The following ENPP2 variants were observed in gnomAD, a reference collection of about 807,000 sequenced individuals.
The protein encoded by ENPP2 is autotaxin.
ENPP2 carries 51 observed loss-of-function variants against 120.2 expected under a neutral mutation model. The ratio of observed to expected loss-of-function variants is 0.42; its 90% CI spans 0.34 to 0.54. ENPP2 has a LOEUF of 0.54. ENPP2 is among the 20% of genes least tolerant of loss of function. ENPP2 has a pLI of 0.04. For missense variants in ENPP2, 920 were observed against 1,066.5 expected (o/e 0.86, Z 1.91); for synonymous variants, 365 against 366.4 (o/e 1.00, Z 0.04).
intron 1 of ENPP2, among the ~76,000 whole-genome samples, chr8:119,671,213 A>G (rs958314652): frequency 6.6e-6 from 1 of 151,992 alleles, no homozygotes; most frequent in Admixed American, 6.5e-5. Context: ...AGGCAGGAGA[A>G]TTGCTTGAAC....
chr8:119,639,380 T>C (rs754250893), upstream of ENPP2, among the ~76,000 whole-genome samples: 5 of 152,238 alleles, frequency 3.3e-5, no homozygotes, highest in Non-Finnish European at 7.3e-5. Flanking sequence ...CAGCTACTTC[T>C]GCCTCCTTGA....
chr8:119,631,433 G>C (rs1263761937), intron 2 of ENPP2, among the ~76,000 whole-genome samples: 2 of 151,284 alleles, frequency 1.3e-5, no homozygotes, highest in Non-Finnish European at 2.9e-5. Context: ...AGCCAGGATG[G>C]TCTCGATCTC....
intron 8 of ENPP2, among the ~76,000 whole-genome samples, chr8:119,611,428 G>A (rs1044571488): frequency 1.3e-5 from 2 of 152,176 alleles, no homozygotes; most frequent in East Asian, 3.9e-4. Context: ...GGGGGAGGCA[G>A]CAGAAGAGAC....
At chr8:119,587,728 A>G (rs1424900645) in intron 13 of ENPP2, among the ~76,000 whole-genome samples, 1 of 152,174 alleles carries the variant, frequency 6.6e-6, no homozygotes, top group African/African-American at 2.4e-5. Flanking sequence ...CTGTGCATAA[A>G]CTGTGGACAG....
intron 21 of ENPP2, 96 bp from the exon 22 acceptor site, chr8:119,568,348 C>A: frequency 1.4e-6 from 1 of 720,422 alleles, no homozygotes; most frequent in South Asian, 1.6e-5. Flanking sequence ...CTTAAATGGT[C>A]CAAACAACAT....
chr8:119,666,535 C>T lies in ENPP2; in HGVS notation c.21+6717G>A, dbSNP rs543961236. Reference sequence around the variant, plus strand: ...ATGGCTCACACCTGTTATCCTAGCACTTTGGGAGGCCGAGGCGGGCAGATC... The same window carrying T: ...ATGGCTCACACCTGTTATCCTAGCATTTTGGGAGGCCGAGGCGGGCAGATC... On this transcript the variant is annotated intron_variant, in intron 1 of 25. Transcript: ENST00000427067. Among the ~76,000 whole-genome samples the T allele has an allele frequency of 5.7e-3, 874 of 152,256 alleles. 2 individuals are homozygous for T. Among genetic ancestry groups the T allele is most frequent in the Middle Eastern group, 0.01 (3 of 294 alleles).
chr8:119,619,094 C>G (rs116339401), intron 5 of ENPP2, 150 bp downstream of exon 5: 1 of 618,530 alleles, frequency 1.6e-6, no homozygotes, highest in Non-Finnish European at 2.9e-6. Context: ...TTCAACCTTT[C>G]GACTCATGAA....
chr8:119,663,509 T>C (rs552980581), intron 1 of ENPP2, among the ~76,000 whole-genome samples: 1 of 152,332 alleles, frequency 6.6e-6, no homozygotes, highest in South Asian at 2.1e-4. Context: ...CTCTTTTGTT[T>C]TGTTGTTTTT....
chr8:119,627,185 A>T, intron 2 of ENPP2, among the ~76,000 whole-genome samples: 1 of 152,122 alleles, frequency 6.6e-6, no homozygotes, highest in East Asian at 1.9e-4. Flanking sequence ...TACAAGGAAA[A>T]TTCAGCTCAA....
intron 1 of ENPP2, among the ~76,000 whole-genome samples, chr8:119,654,956 TG>T (rs1817727305): frequency 6.6e-6 from 1 of 152,198 alleles, no homozygotes. Flanking sequence ...AATCAGAATT[TG>T]GTCTTACTTT....
At chr8:119,649,237 C>CAAA (rs34542482) in intron 1 of ENPP2, among the ~76,000 whole-genome samples, 22 of 110,074 alleles carry the variant, frequency 2.0e-4, no homozygotes, top group African/African-American at 6.9e-4. Flanking sequence ...ACTAAAAATA[C>CAAA]AAAAAAAAAA....
chr8:119,570,941 T>G, intron 19 of ENPP2, 100 bp from the exon 20 acceptor site: 47 of 653,386 alleles, frequency 7.2e-5, no homozygotes, highest in Middle Eastern at 2.8e-4. Context: ...AATGGCTAGC[T>G]TACTTATTAT....
intron 3 of ENPP2, among the ~76,000 whole-genome samples, chr8:119,623,025 T>A (rs1816015227): frequency 6.6e-6 from 1 of 152,184 alleles, no homozygotes; most frequent in East Asian, 1.9e-4. Flanking sequence ...AAGAAAGGTG[T>A]CACTGAGCTA....
rs1814724806 is a variant in ENPP2, at chr8:119,569,000, T to C, written c.2053+235A>G. On this transcript the variant is annotated intron_variant, in intron 21 of 24. Coordinates refer to ENST00000075322, the MANE Select transcript of ENPP2 (RefSeq NM_001040092.3). ...TCCTTTTCAGATTCTCATTTAATAA[T>C]GTAAGGCGGGACACAGAAGATTCCC... Among the ~76,000 whole-genome samples the C allele has an allele frequency of 2.0e-5, 3 of 151,498 alleles. No individual in the cohort carries two copies. The Admixed American group carries it at 2.0e-4, about 10-fold the overall frequency.
At chr8:119,587,246 A>T (rs1489475669) in intron 13 of ENPP2, among the ~76,000 whole-genome samples, 171 bp from the exon 14 acceptor site, 3 of 152,184 alleles carry the variant, frequency 2.0e-5, no homozygotes, top group Non-Finnish European at 4.4e-5. Flanking sequence ...CATTTCAGTC[A>T]TTGACATGCA....
At chr8:119,626,744 C>T in intron 2 of ENPP2, 24 bp from the exon 3 acceptor site, 1 of 1,612,212 alleles carries the variant, frequency 6.2e-7, no homozygotes, top group Non-Finnish European at 8.5e-7. Context: ...GAGGCAAAAA[C>T]AATGGACTGG....
intron 20 of ENPP2, among the ~76,000 whole-genome samples, chr8:119,569,742 C>CTGTGTGTGTGTG (rs55992622): frequency 0.033 from 4,797 of 146,358 alleles, 108 homozygotes; most frequent in Non-Finnish European, 0.043. Flanking sequence ...GACTATTTAT[C>CTGTGTGTGTGTG]TGTGTGTGTG....
At chr8:119,649,552 T>A (rs530761907) in intron 1 of ENPP2, among the ~76,000 whole-genome samples, 1 of 152,268 alleles carries the variant, frequency 6.6e-6, no homozygotes, top group African/African-American at 2.4e-5. Context: ...AAGACCTAAA[T>A]TTGGGAAGAT....
At chr8:119,607,021 C>G (rs970941236) in intron 9 of ENPP2, among the ~76,000 whole-genome samples, 48 of 152,186 alleles carry the variant, frequency 3.2e-4, no homozygotes, top group African/African-American at 1.1e-3. Flanking sequence ...TGCTTATCCC[C>G]CCATCACTTC....
Sources: allele counts gnomAD v4.1 joint callset (sites outside exome capture counted in the v4.1 genomes callset), GRCh38; gene constraint gnomAD v4.1.1; transcripts MANE v1.5; gene names NCBI Gene and HGNC (gene_info 2026-07-23, HGNC 2026-07-21).